Variants in USP9Y observed in about 807,000 individuals in gnomAD.
USP9Y encodes ubiquitin carboxyl-terminal hydrolase 9Y.
A neutral mutation model predicts 53.1 loss-of-function variants in USP9Y; 41 were observed. The observed-to-expected ratio is 0.77, with a 90% confidence interval of 0.60 to 1.00. The LOEUF (loss-of-function observed/expected upper bound fraction) is 1.00, where lower values mean the gene tolerates loss of function less well. Among genes scored for constraint, USP9Y ranks in the 50% least tolerant of loss-of-function variants. USP9Y has a pLI of 0.00. For synonymous variants in USP9Y, 220 were observed against 173.7 expected (o/e 1.27, Z -2.09); for missense variants, 567 against 535.8 (o/e 1.06, Z -0.58).
intron 40 of USP9Y, 44 bp downstream of exon 40, chrY:12,846,562 A>G: frequency 2.8e-6 from 1 of 356,670 alleles, no homozygotes. Context: ...TTTAAAAATA[A>G]TGCTAGCTTT....
chrY:12,782,396 C>T, intron 22 of USP9Y, among the ~76,000 whole-genome samples: 1 of 33,611 alleles, frequency 3.0e-5, no homozygotes, highest in Non-Finnish European at 7.4e-5. Context: ...ATTGTGTCAG[C>T]AAGCAATGAA....
chrY:12,854,861 G>T (rs2053574448), intron 42 of USP9Y, among the ~76,000 whole-genome samples: 1 of 34,015 alleles, frequency 2.9e-5, no homozygotes, highest in Admixed American at 2.7e-4. Flanking sequence ...ACATAAGCTT[G>T]AAGTGTTTTG....
intron 14 of USP9Y, among the ~76,000 whole-genome samples, chrY:12,758,990 G>A: frequency 3.0e-5 from 1 of 32,978 alleles, no homozygotes; most frequent in Non-Finnish European, 7.5e-5. Context: ...TCCTTTCCAC[G>A]GTTAACTCTG....
intron 27 of USP9Y, among the ~76,000 whole-genome samples, chrY:12,798,727 G>A: frequency 3.0e-5 from 1 of 33,058 alleles, no homozygotes; most frequent in Non-Finnish European, 7.4e-5. Flanking sequence ...AAGGGGAAAG[G>A]ACTGGCTGGC....
intron 27 of USP9Y, among the ~76,000 whole-genome samples, chrY:12,800,912 A>G: frequency 2.9e-5 from 1 of 34,094 alleles, no homozygotes; most frequent in African/African-American, 1.1e-4. Flanking sequence ...TTTTCAAGGC[A>G]TTGTGAAGAC....
intron 33 of USP9Y, among the ~76,000 whole-genome samples, chrY:12,826,093 C>T: frequency 3.2e-5 from 1 of 31,141 alleles, no homozygotes; most frequent in South Asian, 7.3e-4. Flanking sequence ...TCTGCCACCA[C>T]GCCCAGCTAA....
intron 12 of USP9Y, among the ~76,000 whole-genome samples, chrY:12,745,687 TACA>T (rs2053460209): frequency 2.9e-5 from 1 of 34,117 alleles, no homozygotes; most frequent in African/African-American, 1.1e-4. Flanking sequence ...CAAGAATACT[TACA>T]ACAAGTATCT....
chrY:12,729,024 A>G, intron 7 of USP9Y, among the ~76,000 whole-genome samples: 1 of 33,508 alleles, frequency 3.0e-5, no homozygotes, highest in Non-Finnish European at 7.4e-5. Flanking sequence ...CTCAGCCTCC[A>G]TAGCTGCTGG....
chrY:12,790,626 T>C (rs2053507077), intron 25 of USP9Y, 94 bp downstream of exon 25: 1 of 255,471 alleles, frequency 3.9e-6, no homozygotes, highest in Non-Finnish European at 6.2e-6. Context: ...CTAAATATTG[T>C]AGACCCAAAA....
intron 22 of USP9Y, among the ~76,000 whole-genome samples, chrY:12,785,314 T>C: frequency 3.0e-5 from 1 of 33,421 alleles, no homozygotes; most frequent in South Asian, 6.6e-4. Context: ...GTTCATCATG[T>C]TTTAGCATGT....
At chrY:12,794,183 C>T in intron 27 of USP9Y, among the ~76,000 whole-genome samples, 3 of 33,810 alleles carry the variant, frequency 8.9e-5, no homozygotes, top group African/African-American at 2.3e-4. Flanking sequence ...GCCATCCTAA[C>T]GTATGTAAGA....
intron 1 of USP9Y, among the ~76,000 whole-genome samples, chrY:12,704,961 A>G: frequency 3.3e-5 from 1 of 30,704 alleles, no homozygotes; most frequent in African/African-American, 1.3e-4. Flanking sequence ...TTTTTTTTCT[A>G]TTCTGTATTT....
intron 22 of USP9Y, among the ~76,000 whole-genome samples, chrY:12,781,955 T>C: frequency 3.0e-5 from 1 of 33,667 alleles, no homozygotes; most frequent in East Asian, 7.7e-4. Flanking sequence ...GAAAATACTT[T>C]CCAGAAGGCT....
chrY:12,838,125 C>T, intron 35 of USP9Y, 73 bp downstream of exon 35: 2 of 219,922 alleles, frequency 9.1e-6, no homozygotes, highest in Non-Finnish European at 1.5e-5. Flanking sequence ...TGTTTATGCT[C>T]ATCTTCAAAA....
At chrY:12,721,120 T>C (rs2053435352) in intron 4 of USP9Y, 1 of 50,452 alleles carries the variant, frequency 2.0e-5, no homozygotes, top group Non-Finnish European at 4.4e-5. Context: ...TTCTCACTTG[T>C]GGAATGTCCA....
rs1329466092 is a variant in USP9Y, at chrY:12,786,194, C to A, written c.3152-9C>A. The A allele has an allele frequency of 2.5e-6, 1 of 397,329 alleles. No homozygotes were observed. The highest frequency in any genetic ancestry group is 6.2e-5 in the African/African-American group (1 of 16,224). The stretch of plus-strand genomic sequence containing the variant: ...ACTTTATTTTAGTCTGTGTCTTTTT[C>A]CTTTGCAGATAGAACAGCTGTAGAA... On this transcript the variant is annotated splice_polypyrimidine_tract_variant and intron_variant, in intron 22 of 45. Transcript: ENST00000338981.
At position 12,701,557 on chromosome Y, in the gene USP9Y, G is replaced by T; in HGVS notation, c.-619G>T. The T allele has an allele frequency of 2.9e-5, 1 of 34,122 alleles. No individual in the cohort carries two copies. The allele number at this position is 34,122 out of a possible 400,897, so 8.5% of individuals were successfully genotyped here. A position where few individuals can be genotyped will look rare whatever the true frequency, so the allele number is the denominator to read the frequency against. On this transcript the variant is annotated 5_prime_UTR_variant, in exon 1 of 46. The change abolishes an upstream ATG in the 5' untranslated region. Transcript: ENST00000338981. ...TGAATTGTATTCATTTACTCATGAT[G>T]TAAAAATGGTTAGTCTCCACTTTTA...
intron 3 of USP9Y, among the ~76,000 whole-genome samples, chrY:12,710,588 G>A: frequency 3.1e-5 from 1 of 32,294 alleles, no homozygotes; most frequent in Non-Finnish European, 7.5e-5. Flanking sequence ...TCTAGTTTTC[G>A]TGCAATATAT....
chrY:12,709,317 T>C, intron 2 of USP9Y, 71 bp from the exon 3 acceptor site: 1 of 175,593 alleles, frequency 5.7e-6, no homozygotes, highest in South Asian at 4.4e-5. Context: ...TGTCCTTGAA[T>C]TGGAAATTTT....
Sources: allele counts gnomAD v4.1 joint callset (sites outside exome capture counted in the v4.1 genomes callset), GRCh38; gene constraint gnomAD v4.1.1; transcripts MANE v1.5; gene names NCBI Gene and HGNC (gene_info 2026-07-23, HGNC 2026-07-21).